NIPSNAP2: variants seen among roughly 807,000 people sequenced by gnomAD.
NIPSNAP2 encodes the protein nipsnap homolog 2.
NIPSNAP2 carries 42 observed loss-of-function variants against 48.4 expected under a neutral mutation model. The observed-to-expected ratio is 0.87, with a 90% confidence interval of 0.68 to 1.12. The LOEUF is 1.12. NIPSNAP2 is among the 50% of genes most tolerant of loss of function. NIPSNAP2 has a pLI of 0.00. For synonymous variants in NIPSNAP2, 158 were observed against 126.6 expected (o/e 1.25, Z -1.67); for missense variants, 314 against 347.3 (o/e 0.90, Z 0.76).
intron 7 of NIPSNAP2, among the ~76,000 whole-genome samples, chr7:55,987,020 C>T (rs1013036779): frequency 1.4e-5 from 2 of 140,346 alleles, no homozygotes; most frequent in Non-Finnish European, 3.1e-5. Context: ...ACTTGCCAGG[C>T]GTGGTGGTGG....
intron 1 of NIPSNAP2, among the ~76,000 whole-genome samples, chr7:55,969,331 C>T (rs897766134): frequency 2.6e-5 from 4 of 151,786 alleles, no homozygotes; most frequent in African/African-American, 9.7e-5. Flanking sequence ...CTGTCAACCT[C>T]TTCTCTCCCC....
intron 9 of NIPSNAP2, among the ~76,000 whole-genome samples, chr7:55,998,497 T>TG (rs1260632919): frequency 8.2e-6 from 1 of 122,338 alleles, no homozygotes; most frequent in Non-Finnish European, 1.7e-5. Flanking sequence ...GGATCTGTTT[T>TG]TTTTTTTTTT....
At position 55,981,518 on chromosome 7, in the gene NIPSNAP2, T is replaced by A; in HGVS notation, c.324T>A (p.Cys108Ter). Residue 108 changes from cysteine to a stop codon, truncating the protein, a stop_gained, in exon 4 of 10, where the codon TGT becomes TGA. Transcript: ENST00000322090. LOFTEE classifies it high-confidence loss of function. ...PKIHEDKHYP[C>*]TLVGTWNTWY... ...TTCACGAAGATAAACACTACCCTTG[T>A]ACTTTGGTGGGGACTTGGAACACGT... 2 of 1,614,036 alleles carry A rather than the reference T, an allele frequency of 1.2e-6. No individual in the cohort carries two copies. Among genetic ancestry groups the A allele is most frequent in the Non-Finnish European group, 1.7e-6 (2 of 1,179,950 alleles).
intron 1 of NIPSNAP2, among the ~76,000 whole-genome samples, chr7:55,974,317 G>C (rs922850639): frequency 6.6e-6 from 1 of 151,398 alleles, no homozygotes; most frequent in Non-Finnish European, 1.5e-5. Flanking sequence ...GAAATTTAGA[G>C]CCCTACTTCT....
chr7:55,984,003 T>TG, intron 6 of NIPSNAP2, 135 bp downstream of exon 6: 1 of 217,728 alleles, frequency 4.6e-6, no homozygotes, highest in Non-Finnish European at 7.8e-6. Context: ...ATGTATTTTT[T>TG]TAAGACTGGG....
At chr7:55,998,956 C>CCATAATGTGTTTAG in intron 9 of NIPSNAP2, 52 bp from the exon 10 acceptor site, 1 of 1,423,376 alleles carries the variant, frequency 7.0e-7, no homozygotes, top group South Asian at 1.2e-5. Flanking sequence ...GTGTCATTTA[C>CCATAATGTGTTTAG]CATAATGTGT....
At chr7:55,998,335 T>C (rs1787607821) in intron 9 of NIPSNAP2, among the ~76,000 whole-genome samples, 1 of 151,986 alleles carries the variant, frequency 6.6e-6, no homozygotes, top group South Asian at 2.1e-4. Context: ...ACCTTGTCTT[T>C]CAGTTCAAGA....
At chr7:55,991,109 C>T (rs982112800) in intron 7 of NIPSNAP2, among the ~76,000 whole-genome samples, 1 of 151,908 alleles carries the variant, frequency 6.6e-6, no homozygotes, top group African/African-American at 2.4e-5. Context: ...TCTCTTTTTT[C>T]GGTTATGAAA....
intron 1 of NIPSNAP2, among the ~76,000 whole-genome samples, chr7:55,971,507 G>T (rs1248944201): frequency 6.6e-6 from 1 of 152,024 alleles, no homozygotes; most frequent in Non-Finnish European, 1.5e-5. Context: ...TCTGTTGCCC[G>T]GGCTGGAGTA....
intron 4 of NIPSNAP2, 98 bp from the exon 5 acceptor site, chr7:55,982,112 A>G (rs1787228171): frequency 2.9e-6 from 2 of 687,760 alleles, no homozygotes; most frequent in South Asian, 3.6e-5. Flanking sequence ...CCCAGCCTAC[A>G]GTTTTGTGCT....
intron 1 of NIPSNAP2, among the ~76,000 whole-genome samples, chr7:55,970,555 G>A (rs916329198): frequency 1.8e-4 from 27 of 151,858 alleles, no homozygotes; most frequent in Non-Finnish European, 7.4e-5. Context: ...CAGATGATCC[G>A]CCCACCTCGG....
chr7:55,978,012 G>GGTA, intron 1 of NIPSNAP2, 114 bp from the exon 2 acceptor site: 1 of 1,179,522 alleles, frequency 8.5e-7, no homozygotes. Context: ...GGCATTCTTT[G>GGTA]GTAGCCCAGG....
At chr7:55,966,600 T>C (rs1786899307) in intron 1 of NIPSNAP2, among the ~76,000 whole-genome samples, 1 of 151,942 alleles carries the variant, frequency 6.6e-6, no homozygotes, top group South Asian at 2.1e-4. Flanking sequence ...CCAGGCAACA[T>C]GACAAAACAC....
chr7:55,976,039 AGTGTGTGTGTGT>A (rs60119988), intron 1 of NIPSNAP2, among the ~76,000 whole-genome samples: 68 of 150,414 alleles, frequency 4.5e-4, no homozygotes, highest in Middle Eastern at 3.4e-3. Flanking sequence ...CTCTCAAAAA[AGTGTGTGTGTGT>A]GTGTGTGTGT....
chr7:55,976,515 C>T lies in NIPSNAP2; in HGVS notation c.93-1611C>T, dbSNP rs1787110397. Among the ~76,000 whole-genome samples the T allele has an allele frequency of 3.3e-5, 5 of 152,256 alleles. No individual in the cohort carries two copies. The South Asian group carries it at 1.0e-3, about 32-fold the overall frequency. ...GTTTCCATTTTGATATGGATGATGC[C>T]ACACTGCCCTCTTGGGAGGTCAACA... On this transcript the variant is annotated intron_variant, in intron 1 of 9. Coordinates refer to ENST00000322090, the MANE Select transcript of NIPSNAP2 (RefSeq NM_001483.3).
Position 55,984,872 on chromosome 7 carries a change from A to G in NIPSNAP2, c.611A>G (p.Asn204Ser), listed in dbSNP as rs1787295529. The G allele has an allele frequency of 2.5e-6, 4 of 1,610,424 alleles. No homozygotes were observed. Among genetic ancestry groups the G allele is most frequent in the Non-Finnish European group, 3.4e-6 (4 of 1,178,014 alleles). ...LRPGTMIEWG[N>S]YWARAIRFRQ... ...CCAGGAACCATGATTGAATGGGGCA[A>G]TTACTGGTGAGTATATTACTGAATG... Residue 204 changes from asparagine (N) to serine (S), a missense_variant, in exon 7 of 10, where the codon AAT (asparagine) becomes AGT (serine). Physicochemically the swap from Asn to Ser is conservative, Grantham distance 46 (BLOSUM62 1). This residue lies in a region of NIPSNAP2 where 116 missense variants were observed against 161.8 expected (regional missense o/e 0.72). Coordinates refer to ENST00000322090, the MANE Select transcript of NIPSNAP2 (RefSeq NM_001483.3).
rs915614266 is a variant in NIPSNAP2 at position 55,997,475 on chromosome 7, T to C, written c.796+26T>C. 33 of 1,544,316 alleles carry C rather than the reference T, an allele frequency of 2.1e-5. 1 individual carries two copies. Among genetic ancestry groups the C allele is most frequent in the Non-Finnish European group, 2.2e-5 (25 of 1,116,784 alleles). The stretch of plus-strand genomic sequence containing the variant: ...GTAATCTCTTAACAGCCATGAAATA[T>C]GCTTTTTGTCTTACTGTTTCAATCA... On this transcript the variant is annotated intron_variant, in intron 9 of 9. Transcript: ENST00000322090.
chr7:55,988,554 G>C (rs1787378011), intron 7 of NIPSNAP2, among the ~76,000 whole-genome samples: 1 of 152,128 alleles, frequency 6.6e-6, no homozygotes, highest in Non-Finnish European at 1.5e-5. Flanking sequence ...AAATAGTCTA[G>C]TAGTCCCTCA....
At chr7:55,980,857 C>T (rs1027036602) in intron 3 of NIPSNAP2, 3 of 152,234 alleles carry the variant, frequency 2.0e-5, no homozygotes, top group Non-Finnish European at 4.4e-5. Flanking sequence ...CGCATTGTAT[C>T]TTTAATTTTT....
Sources: gnomAD v4.1 joint callset for allele counts (sites outside exome capture counted in the v4.1 genomes callset) on GRCh38, gnomAD v4.1.1 for gene constraint, gnomAD v4.1.1 regional missense constraint, MANE v1.5 for transcripts, NCBI Gene and HGNC (gene_info 2026-07-23, HGNC 2026-07-21) for gene names.